The following SEC24A variants were observed in gnomAD, a reference collection of about 807,000 sequenced individuals.
SEC24A encodes SEC24 homolog A, COPII component.
Under a neutral mutation model 129.4 loss-of-function variants are expected in SEC24A, and 93 were observed. The observed-to-expected ratio is 0.72, with a 90% confidence interval of 0.61 to 0.85. The LOEUF is 0.85. Ranked by LOEUF, SEC24A falls within the 40% of genes least tolerant of loss-of-function variation. The probability of loss-of-function intolerance (pLI) is 0.00; values close to 1 mark genes in which losing one functional copy is unlikely to be tolerated. For synonymous variants in SEC24A, 460 were observed against 467.3 expected (o/e 0.98, Z 0.20); for missense variants, 1,264 against 1,307.4 (o/e 0.97, Z 0.51).
chr5:134,688,203 A>C lies in SEC24A; in HGVS notation c.1627A>C (p.Lys543Gln), dbSNP rs1473875624. The stretch of plus-strand genomic sequence containing the variant: ...TAGGCTTCCTGGCAACACTAGAACA[A>C]AAATTGGCTTCATAACATTTGACAG... ...LDLLPGNTRT[K>Q]IGFITFDSTI... is the part of the protein sequence containing the mutation. Residue 543 changes from lysine to glutamine, a missense_variant, in exon 11 of 23, where the codon AAA (lysine) becomes CAA (glutamine). By Grantham distance (53) the Lys-to-Gln change is moderately conservative (BLOSUM62 1). Transcript: ENST00000398844. The C allele has an allele frequency of 1.2e-6, 2 of 1,612,366 alleles. No individual in the cohort carries two copies. Among genetic ancestry groups the C allele is most frequent in the Non-Finnish European group, 8.5e-7 (1 of 1,178,700 alleles).
intron 2 of SEC24A, among the ~76,000 whole-genome samples, chr5:134,662,397 G>A (rs1005470403): frequency 3.3e-5 from 5 of 151,998 alleles, no homozygotes; most frequent in Admixed American, 6.6e-5. Context: ...CTCGTGATCC[G>A]CCCGCCTTGA....
At chr5:134,701,930 A>G (rs2150103579) in intron 15 of SEC24A, among the ~76,000 whole-genome samples, 1 of 152,340 alleles carries the variant, frequency 6.6e-6, no homozygotes, top group South Asian at 2.1e-4. Flanking sequence ...AAGTTAACAC[A>G]GAAAAGATAA....
intron 11 of SEC24A, among the ~76,000 whole-genome samples, chr5:134,688,523 T>G (rs967247397): frequency 9.2e-5 from 14 of 152,178 alleles, no homozygotes; most frequent in African/African-American, 3.4e-4. Context: ...AAAAACAAGT[T>G]AATGTTAGAA....
intron 15 of SEC24A, among the ~76,000 whole-genome samples, chr5:134,703,102 A>AT (rs891046961): frequency 2.0e-5 from 3 of 151,424 alleles, no homozygotes; most frequent in African/African-American, 2.4e-5. Context: ...GTATTTCTAA[A>AT]TTTTTTTTGC....
intron 11 of SEC24A, among the ~76,000 whole-genome samples, chr5:134,689,312 C>T (rs1751554274): frequency 6.6e-6 from 1 of 152,044 alleles, no homozygotes; most frequent in East Asian, 1.9e-4. Flanking sequence ...GTAGCAATTC[C>T]ACCGTTCAAT....
intron 18 of SEC24A, among the ~76,000 whole-genome samples, chr5:134,713,961 G>T (rs1318564124): frequency 6.6e-6 from 1 of 151,350 alleles, no homozygotes; most frequent in East Asian, 1.9e-4. Flanking sequence ...AGAATCGCTT[G>T]AACCTGGGAG....
At chr5:134,665,994 A>ATT (rs1750646594) in intron 2 of SEC24A, among the ~76,000 whole-genome samples, 1 of 152,212 alleles carries the variant, frequency 6.6e-6, no homozygotes, top group Admixed American at 6.5e-5. Context: ...AAAAATTAAT[A>ATT]AACAGGGCTG....
chr5:134,652,124 A>G (rs1016779589), intron 1 of SEC24A, among the ~76,000 whole-genome samples: 11 of 150,608 alleles, frequency 7.3e-5, no homozygotes, highest in Non-Finnish European at 1.3e-4. Flanking sequence ...GTTTCATCAC[A>G]TTGGTCAGGC....
chr5:134,675,214 C>T lies in SEC24A; in HGVS notation c.1148C>T (p.Pro383Leu), dbSNP rs1751018844. ...HEDIQKLNCNPELFRCTLTSI... is the reference protein window; with the variant it reads ...HEDIQKLNCNLELFRCTLTSI... ...GACATCCAGAAACTCAACTGTAACC[C>T]AGAGTAAGGCTTCAGATGTGACATT... The change falls in exon 6 of 23, where the codon CCA becomes CTA. Residue 383 changes from proline (P) to leucine (L), a missense_variant. By Grantham distance (98) the Pro-to-Leu change is moderately conservative. Coordinates refer to ENST00000398844, the MANE Select transcript of SEC24A (RefSeq NM_021982.3). The T allele has an allele frequency of 1.2e-6, 2 of 1,608,180 alleles. No individual in the cohort carries two copies. The highest frequency in any genetic ancestry group is 1.7e-6 in the Non-Finnish European group (2 of 1,175,826).
rs1402389495 is a variant in SEC24A at position 134,726,347 on chromosome 5, T to C, written c.*1253T>C. On this transcript the variant is annotated 3_prime_UTR_variant, in exon 23 of 23. Coordinates refer to ENST00000398844, the MANE Select transcript of SEC24A (RefSeq NM_021982.3). ...TCAGTTTTCACAGATTCATTTTGTCTTAAGAATTTCTTAAATATGTTCATG... is the reference window on the plus strand; with the variant it reads ...TCAGTTTTCACAGATTCATTTTGTCCTAAGAATTTCTTAAATATGTTCATG... The C allele has an allele frequency of 6.6e-6, 1 of 152,616 alleles. No homozygotes were observed. The highest frequency in any genetic ancestry group is 2.4e-5 in the African/African-American group (1 of 41,462). 9.5% of individuals were successfully genotyped at this position (152,616 alleles called of 1,614,324 possible). A position where few individuals can be genotyped will look rare whatever the true frequency, so the allele number is the denominator to read the frequency against.
chr5:134,713,857 G>A (rs1173061277), intron 18 of SEC24A, among the ~76,000 whole-genome samples: 1 of 145,666 alleles, frequency 6.9e-6, no homozygotes, highest in Non-Finnish European at 1.5e-5. Context: ...GCTGAAACCT[G>A]CTCTCTACTA....
At chr5:134,700,709 A>T (rs994513059) in intron 15 of SEC24A, among the ~76,000 whole-genome samples, 28 of 149,906 alleles carry the variant, frequency 1.9e-4, no homozygotes, top group Non-Finnish European at 2.5e-4. Flanking sequence ...TTATTTATTT[A>T]TTTTTTTTAC....
chr5:134,709,057 A>T (rs1430529222), intron 18 of SEC24A, among the ~76,000 whole-genome samples, 169 bp downstream of exon 18: 1 of 152,026 alleles, frequency 6.6e-6, no homozygotes, highest in Non-Finnish European at 1.5e-5. Flanking sequence ...AATACAAAAA[A>T]ACTAGCCAGG....
intron 3 of SEC24A, among the ~76,000 whole-genome samples, chr5:134,667,706 A>G (rs1028805741): frequency 2.0e-5 from 3 of 151,656 alleles, no homozygotes; most frequent in Non-Finnish European, 2.9e-5. Flanking sequence ...GATTGCCACT[A>G]TTATCGTAAA....
At chr5:134,673,892 G>T (rs901383659) in intron 4 of SEC24A, among the ~76,000 whole-genome samples, 1 of 151,960 alleles carries the variant, frequency 6.6e-6, no homozygotes, top group Non-Finnish European at 1.5e-5. Flanking sequence ...TCCTATCTTC[G>T]GGAGGCCAAG....
At chr5:134,686,425 C>G (rs368354783) in intron 9 of SEC24A, among the ~76,000 whole-genome samples, 1 of 152,014 alleles carries the variant, frequency 6.6e-6, no homozygotes, top group Non-Finnish European at 1.5e-5. Flanking sequence ...TTAGTAGAGA[C>G]GGGGTTTCGC....
chr5:134,710,646 T>C (rs1752296861), intron 18 of SEC24A, among the ~76,000 whole-genome samples: 3 of 152,196 alleles, frequency 2.0e-5, no homozygotes, highest in African/African-American at 4.8e-5. Context: ...GTAGGGTTTT[T>C]CTTTGTTTCG....
chr5:134,674,642 C>T lies in SEC24A; in HGVS notation c.845C>T (p.Pro282Leu), dbSNP rs369953597. 2.5e-6 allele frequency: 4 copies of T among 1,613,380 alleles called. No homozygotes were observed. The highest frequency in any genetic ancestry group is 1.7e-5 in the Admixed American group (1 of 59,946). The change falls in exon 5 of 23, where the codon CCC becomes CTC. Residue 282 changes from proline (P) to leucine (L), a missense_variant. Pro to Leu is a moderately conservative substitution (Grantham distance 98). Transcript: ENST00000398844. ...LATPQLTNKN[P>L]KMSRSVGYSY... ...ACACCACAGCTTACTAACAAGAATC[C>T]CAAAATGAGCCGAAGTGTTGGATAT... is the stretch of plus-strand genomic sequence containing the variant.
Position 134,666,983 on chromosome 5 carries a change from T to C in SEC24A, c.726T>C (p.Ala242=), listed in dbSNP as rs1750685127. Residue 242 remains alanine, a synonymous_variant, in exon 3 of 23, where the codon GCT becomes GCC. Coordinates refer to ENST00000398844, the MANE Select transcript of SEC24A (RefSeq NM_021982.3). ...RDVPQPLFNS[A]VNQEGITSNT... is the part of the protein sequence containing the mutation. Reference sequence around the variant, plus strand: ...TACCCCAGCCCTTATTTAATTCAGCTGTCAACCAAGAAGGTAAGTGAACCA... The same window carrying C: ...TACCCCAGCCCTTATTTAATTCAGCCGTCAACCAAGAAGGTAAGTGAACCA... 18 of 1,568,294 alleles carry C rather than the reference T, an allele frequency of 1.1e-5. No homozygotes were observed. The highest frequency in any genetic ancestry group is 1.5e-5 in the Non-Finnish European group (17 of 1,163,184).
Sources: gnomAD v4.1 joint callset for allele counts (sites outside exome capture counted in the v4.1 genomes callset) on GRCh38, gnomAD v4.1.1 for gene constraint, MANE v1.5 for transcripts, NCBI Gene and HGNC (gene_info 2026-07-23, HGNC 2026-07-21) for gene names.